The following MME variants were observed in gnomAD, a reference collection of about 807,000 sequenced individuals.
The protein encoded by MME is membrane metalloendopeptidase.
Under a neutral mutation model 113.2 loss-of-function variants are expected in MME, and 98 were observed. That is an observed-to-expected ratio of 0.87 (90% confidence interval 0.74 to 1.02). MME has a LOEUF of 1.02. Ranked by LOEUF, MME falls within the 50% of genes least tolerant of loss-of-function variation. The pLI, the probability that MME is intolerant of heterozygous loss-of-function variation, is 0.00. For missense variants in MME, 836 were observed against 896.0 expected (o/e 0.93, Z 0.86); for synonymous variants, 292 against 300.6 (o/e 0.97, Z 0.30).
intron 20 of MME, among the ~76,000 whole-genome samples, chr3:155,169,078 G>A (rs1329080316): frequency 6.6e-6 from 1 of 152,082 alleles, no homozygotes; most frequent in East Asian, 1.9e-4. Flanking sequence ...GGTTCACAAA[G>A]GAGGCAACAT....
intron 3 of MME, chr3:155,112,155 A>G (rs1177450919): frequency 6.6e-6 from 1 of 152,104 alleles, no homozygotes; most frequent in Non-Finnish European, 1.5e-5. Context: ...GAGAATATGC[A>G]TTTTCTATTT....
chr3:155,078,033 C>G (rs1269772267), upstream of MME, among the ~76,000 whole-genome samples: 1 of 149,190 alleles, frequency 6.7e-6, no homozygotes, highest in South Asian at 2.1e-4. Context: ...GGAGAAACCC[C>G]GAAAGTAAAA....
chr3:155,074,518 G>A (rs767141791), intron 1 of MME, among the ~76,000 whole-genome samples: 3 of 151,632 alleles, frequency 2.0e-5, no homozygotes, highest in South Asian at 2.1e-4. Context: ...TGCAATCTCC[G>A]CTTCCCACAT....
chr3:155,041,579 TG>T (rs1183982480), intron 1 of MME, among the ~76,000 whole-genome samples: 3 of 152,178 alleles, frequency 2.0e-5, no homozygotes, highest in Non-Finnish European at 2.9e-5. Context: ...GACATGCAAT[TG>T]CCACTTTAAT....
Position 155,146,560 on chromosome 3 carries a change from A to G in MME, c.1417-584A>G, listed in dbSNP as rs545102168. ...AAAAAAAAGATAGTAGTAAATACAT[A>G]ATAAATATGAGCTGGAATAACAAGG... On this transcript the variant is annotated intron_variant, in intron 14 of 22. Coordinates refer to ENST00000360490, the MANE Select transcript of MME (RefSeq NM_007289.4). Among the ~76,000 whole-genome samples the G allele has an allele frequency of 2.1e-3, 318 of 152,206 alleles. 1 individual carries two copies. The highest frequency in any genetic ancestry group is 7.4e-3 in the African/African-American group (307 of 41,554).
chr3:155,105,532 T>C (rs554317441), intron 3 of MME, among the ~76,000 whole-genome samples: 110 of 152,292 alleles, frequency 7.2e-4, no homozygotes, highest in African/African-American at 2.5e-3. Flanking sequence ...ATAGGAGTAA[T>C]ATGTCCTACT....
intron 1 of MME, among the ~76,000 whole-genome samples, chr3:155,065,082 T>C (rs1714344531): frequency 6.6e-6 from 1 of 152,162 alleles, no homozygotes; most frequent in Non-Finnish European, 1.5e-5. Context: ...GACAATCCTG[T>C]TTCCAAATTA....
intron 1 of MME, among the ~76,000 whole-genome samples, chr3:155,031,241 T>G (rs1712960156): frequency 6.6e-6 from 1 of 152,184 alleles, no homozygotes; most frequent in African/African-American, 2.4e-5. Flanking sequence ...TGTCATTTAT[T>G]AATTCCAGTT....
intron 2 of MME, 75 bp downstream of exon 2, chr3:155,084,402 T>G (rs1715471940): frequency 1.4e-6 from 2 of 1,477,972 alleles, no homozygotes; most frequent in Non-Finnish European, 9.5e-7. Flanking sequence ...TTACCATCTA[T>G]CCAACGAATG....
At chr3:155,057,156 A>G (rs1468304890) in intron 1 of MME, among the ~76,000 whole-genome samples, 6 of 152,102 alleles carry the variant, frequency 3.9e-5, no homozygotes, top group Non-Finnish European at 8.8e-5. Context: ...AGAGTGAACA[A>G]GCAACCTACA....
intron 7 of MME, 145 bp downstream of exon 7, chr3:155,117,131 A>G: frequency 3.1e-6 from 2 of 647,122 alleles, no homozygotes; most frequent in Non-Finnish European, 5.6e-6. Context: ...CTCTGTCCCT[A>G]ATACCTGGAG....
intron 8 of MME, among the ~76,000 whole-genome samples, chr3:155,128,947 A>G (rs757581390): frequency 1.3e-5 from 2 of 152,176 alleles, no homozygotes; most frequent in Non-Finnish European, 2.9e-5. Flanking sequence ...TTTCTTTAGC[A>G]TTTTACAAAC....
chr3:155,138,849 G>T (rs577710175), intron 9 of MME, among the ~76,000 whole-genome samples: 14 of 152,092 alleles, frequency 9.2e-5, no homozygotes, highest in Non-Finnish European at 1.9e-4. Context: ...CTTTGATAGG[G>T]CACTGCAGTC....
chr3:155,051,572 G>A (rs1189658654), intron 1 of MME, among the ~76,000 whole-genome samples: 2 of 152,076 alleles, frequency 1.3e-5, no homozygotes, highest in Non-Finnish European at 2.9e-5. Context: ...CAAAGGGGAC[G>A]CTCCTTATAA....
intron 1 of MME, among the ~76,000 whole-genome samples, chr3:155,073,811 T>C (rs1043154214): frequency 4.6e-5 from 7 of 152,164 alleles, no homozygotes; most frequent in African/African-American, 1.7e-4. Flanking sequence ...TCTATAGGAC[T>C]GTAGATGGGT....
Position 155,168,620 on chromosome 3 carries a change from C to T in MME, c.1909C>T (p.Gln637Ter). ...CTTTTCCTGGGACCTGGCAGGTGGA[C>T]AGCACGTATGTCATTAGCATTCTCT... ...GNFSWDLAGGQHLNGINTLGE... is the reference protein window; with the variant it reads ...GNFSWDLAGG The change falls in exon 19 of 23, where the codon CAG (glutamine) becomes TAG (stop). Residue 637 changes from glutamine (Q) to a stop codon, truncating the protein, a stop_gained. Transcript: ENST00000360490. LOFTEE classifies it high-confidence loss of function. 1 of 1,613,804 alleles carries T rather than the reference C, an allele frequency of 6.2e-7. No individual in the cohort carries two copies. The highest frequency in any genetic ancestry group is 8.5e-7 in the Non-Finnish European group (1 of 1,179,838).
intron 8 of MME, among the ~76,000 whole-genome samples, chr3:155,133,588 C>CA: frequency 6.7e-6 from 1 of 149,154 alleles, no homozygotes; most frequent in Middle Eastern, 3.5e-3. Flanking sequence ...ACCTCATCAA[C>CA]AAAAAGCATC....
chr3:155,176,621 T>C (rs1211833041), intron 22 of MME, among the ~76,000 whole-genome samples: 1 of 152,004 alleles, frequency 6.6e-6, no homozygotes, highest in Non-Finnish European at 1.5e-5. Context: ...AGCTCAGGAG[T>C]TCAAGACCAG....
At position 155,082,166 on chromosome 3, in the gene MME, G is replaced by T. The variant is rs189234490; in HGVS notation, c.-11+1700G>T. Among the ~76,000 whole-genome samples the T allele has an allele frequency of 7.9e-5, 12 of 152,200 alleles. 1 individual carries two copies. The South Asian group carries it at 1.9e-3, about 24-fold the overall frequency. ...CCACAAGGCATGGAGTTTCCACAGA[G>T]CACCTGTAATTTAACCCTGAGGCTG... is the stretch of plus-strand genomic sequence containing the variant. On this transcript the variant is annotated intron_variant, in intron 1 of 22. Transcript: ENST00000360490.
Sources: allele counts gnomAD v4.1 joint callset (sites outside exome capture counted in the v4.1 genomes callset), GRCh38; gene constraint gnomAD v4.1.1; transcripts MANE v1.5; gene names NCBI Gene and HGNC (gene_info 2026-07-23, HGNC 2026-07-21).